Variants in POTEJ observed in about 807,000 individuals in gnomAD.
POTEJ encodes POTE ankyrin domain family, member J.
A neutral mutation model predicts 69.0 loss-of-function variants in POTEJ; 11 were observed. The observed-to-expected ratio is 0.16, with a 90% CI of 0.10 to 0.26. POTEJ has a LOEUF of 0.26. Among genes scored for constraint, POTEJ ranks in the 10% least tolerant of loss-of-function variants. The pLI is 1.00. For synonymous variants in POTEJ, 117 were observed against 381.1 expected (o/e 0.31, Z 8.07); for missense variants, 327 against 1,045.5 (o/e 0.31, Z 9.48).
At chr2:130,614,291 T>C (rs1482739283) in intron 1 of POTEJ, among the ~76,000 whole-genome samples, 1 of 151,926 alleles carries the variant, frequency 6.6e-6, no homozygotes, top group Admixed American at 6.6e-5. Flanking sequence ...ACAGACACTT[T>C]AGTGGTAAGA....
At chr2:130,648,242 C>T (rs1686662558) in intron 13 of POTEJ, among the ~76,000 whole-genome samples, 2 of 146,478 alleles carry the variant, frequency 1.4e-5, no homozygotes, top group South Asian at 4.2e-4. Flanking sequence ...TTTCTAAATG[C>T]CATATGTGTA....
chr2:130,642,845 G>C (rs1444897511), intron 10 of POTEJ, among the ~76,000 whole-genome samples: 1 of 151,006 alleles, frequency 6.6e-6, no homozygotes, highest in African/African-American at 2.5e-5. Context: ...CTGCTGCGTG[G>C]CATGCCGTCA....
At chr2:130,627,358 T>C (rs1261501409) in intron 6 of POTEJ, among the ~76,000 whole-genome samples, 3 of 148,708 alleles carry the variant, frequency 2.0e-5, no homozygotes, top group African/African-American at 7.7e-5. Context: ...AAAGTTAGCA[T>C]CCACAGACAT....
chr2:130,625,132 T>A (rs1357308770), intron 6 of POTEJ, among the ~76,000 whole-genome samples: 1 of 152,190 alleles, frequency 6.6e-6, no homozygotes, highest in African/African-American at 2.4e-5. Context: ...AAAGAGCTTT[T>A]GTAAGTTAGG....
chr2:130,627,237 G>A lies in POTEJ; in HGVS notation c.1016-2712G>A, dbSNP rs200998639. On this transcript the variant is annotated intron_variant, in intron 6 of 14. Transcript: ENST00000409602. ...TTTTGAGTAGGTAATTGGATAACCAGCATTTATAACTCGCATCCTACTAGT... is the reference window on the plus strand; with the variant it reads ...TTTTGAGTAGGTAATTGGATAACCAACATTTATAACTCGCATCCTACTAGT... Among the ~76,000 whole-genome samples the A allele has an allele frequency of 7.4e-3, 1,114 of 151,392 alleles. No homozygotes were observed. The East Asian group carries it at 0.13, about 18-fold the overall frequency.
intron 10 of POTEJ, among the ~76,000 whole-genome samples, chr2:130,640,655 T>C (rs1158909422): frequency 2.0e-5 from 3 of 151,632 alleles, no homozygotes; most frequent in African/African-American, 7.3e-5. Flanking sequence ...CGTGTGTCTT[T>C]TAAACAGGGA....
chr2:130,648,818 A>T (rs1573995650), intron 13 of POTEJ, among the ~76,000 whole-genome samples: 1 of 48,340 alleles, frequency 2.1e-5, no homozygotes. Context: ...TTTAAGACAG[A>T]GTCTCGCTTT....
intron 10 of POTEJ, among the ~76,000 whole-genome samples, chr2:130,640,851 G>A (rs1342796191): frequency 6.5e-4 from 99 of 152,292 alleles, no homozygotes; most frequent in African/African-American, 2.2e-3. Context: ...TGTTTTTTCT[G>A]CCAGAAAGAA....
chr2:130,649,593 C>T (rs1415935349), intron 13 of POTEJ, among the ~76,000 whole-genome samples: 1 of 152,182 alleles, frequency 6.6e-6, no homozygotes, highest in Non-Finnish European at 1.5e-5. Flanking sequence ...TGTTGTCATT[C>T]CTCTGCCCCA....
chr2:130,649,906 A>T (rs1186551894), intron 13 of POTEJ, among the ~76,000 whole-genome samples: 1 of 152,080 alleles, frequency 6.6e-6, no homozygotes, highest in Non-Finnish European at 1.5e-5. Flanking sequence ...CCTTTCTAAG[A>T]AGAAGAAAAA....
chr2:130,613,261 TATACATATATATAC>T (rs1685284898), intron 1 of POTEJ, among the ~76,000 whole-genome samples: 4 of 55,490 alleles, frequency 7.2e-5, no homozygotes, highest in South Asian at 5.2e-4. Context: ...TATACACATA[TATACATATATATAC>T]ATATGTATAT....
At chr2:130,648,752 T>G (rs1686686653) in intron 13 of POTEJ, among the ~76,000 whole-genome samples, 1 of 147,212 alleles carries the variant, frequency 6.8e-6, no homozygotes, top group African/African-American at 2.6e-5. Context: ...TTGTTTCTCA[T>G]GGCTCAGTCC....
chr2:130,643,583 T>C (rs1316821432), intron 10 of POTEJ, among the ~76,000 whole-genome samples: 2 of 144,164 alleles, frequency 1.4e-5, no homozygotes, highest in African/African-American at 5.1e-5. Flanking sequence ...ATTTTAGATA[T>C]TAGGAAGATG....
rs201221292 is a variant in POTEJ at position 130,613,470 on chromosome 2, C to T, written c.410+1528C>T. On this transcript the variant is annotated intron_variant, in intron 1 of 14. Coordinates refer to ENST00000409602, the MANE Select transcript of POTEJ (RefSeq NM_001277083.2). Reference sequence around the variant, plus strand: ...AAGCTGGAGTGCAGTGGTGTGATCTCGGCTCACTGCAACCTCTGCCTCCTA... The same window carrying T: ...AAGCTGGAGTGCAGTGGTGTGATCTTGGCTCACTGCAACCTCTGCCTCCTA... Among the ~76,000 whole-genome samples the T allele has an allele frequency of 3.0e-4, 42 of 139,806 alleles. No individual in the cohort carries two copies. The East Asian group carries it at 8.3e-3, about 28-fold the overall frequency. The allele number at this position is 139,806 out of a possible 152,430, so 91.7% of individuals were successfully genotyped here. A position where few individuals can be genotyped will look rare whatever the true frequency, so the allele number is the denominator to read the frequency against.
At chr2:130,623,786 T>A (rs1480636358) in intron 5 of POTEJ, among the ~76,000 whole-genome samples, 1 of 137,578 alleles carries the variant, frequency 7.3e-6, no homozygotes, top group Non-Finnish European at 1.5e-5. Context: ...CTAGGACTTA[T>A]GCAGAGTTGG....
At chr2:130,611,227 C>T (rs950492454), upstream of POTEJ, among the ~76,000 whole-genome samples, 1 of 135,244 alleles carries the variant, frequency 7.4e-6, no homozygotes, top group East Asian at 2.2e-4. Flanking sequence ...TTTCCTCTCT[C>T]GCGTTCCCTT....
In POTEJ at chr2:130,633,139, G is replaced by A. The variant is rs1173978626; in HGVS notation, c.1298+483G>A. 9.8e-5 allele frequency among the ~76,000 whole-genome samples: 14 copies of A among 143,102 alleles called. 3 individuals are homozygous for A. Among genetic ancestry groups the A allele is most frequent in the African/African-American group, 3.9e-4 (14 of 36,126 alleles). The allele number at this position is 143,102 out of a possible 152,430, so 93.9% of individuals were successfully genotyped here. ...TCCCACTAATGAGTAAGAATATGTG[G>A]CATTTGATTTTCTGTTCCTGCATTA... On this transcript the variant is annotated intron_variant, in intron 9 of 14. Transcript: ENST00000409602.
chr2:130,651,603 ATTGTT>A (rs1305167206), intron 13 of POTEJ, among the ~76,000 whole-genome samples: 2 of 128,592 alleles, frequency 1.6e-5, no homozygotes. Flanking sequence ...CTTAAAAATA[ATTGTT>A]TTGTTTTTGT....
At chr2:130,614,591 G>A (rs533090693) in intron 1 of POTEJ, among the ~76,000 whole-genome samples, 17 of 148,232 alleles carry the variant, frequency 1.1e-4, no homozygotes, top group African/African-American at 3.4e-4. Context: ...GAATCTGCTC[G>A]TGTTAGCTGA....
Sources: gnomAD v4.1 joint callset for allele counts (sites outside exome capture counted in the v4.1 genomes callset) on GRCh38, gnomAD v4.1.1 for gene constraint, MANE v1.5 for transcripts, NCBI Gene and HGNC (gene_info 2026-07-23, HGNC 2026-07-21) for gene names.